MEGF10: variants seen among roughly 807,000 people sequenced by gnomAD.
MEGF10 encodes multiple epidermal growth factor-like domains protein 10.
Under a neutral mutation model 147.5 loss-of-function variants are expected in MEGF10, and 86 were observed. The ratio of observed to expected loss-of-function variants is 0.58; its 90% CI spans 0.49 to 0.70. The LOEUF (loss-of-function observed/expected upper bound fraction) is 0.70. MEGF10 is among the 30% of genes least tolerant of loss of function. The pLI, the probability that MEGF10 is intolerant of heterozygous loss-of-function variation, is 0.00. For synonymous variants in MEGF10, 478 were observed against 525.5 expected (o/e 0.91, Z 1.24); for missense variants, 1,329 against 1,487.3 (o/e 0.89, Z 1.75).
chr5:127,302,090 G>T (rs57623356), intron 1 of MEGF10, among the ~76,000 whole-genome samples: 10,903 of 152,174 alleles, frequency 0.072, 674 homozygotes, highest in African/African-American at 0.16. Context: ...GCTAGTGAAT[G>T]AATTTGTTTT....
intron 5 of MEGF10, among the ~76,000 whole-genome samples, chr5:127,384,892 T>C (rs1434908362): frequency 2.6e-5 from 4 of 152,222 alleles, no homozygotes; most frequent in African/African-American, 9.6e-5. Flanking sequence ...TGAGGATCTT[T>C]TCTTCTACCA....
intron 24 of MEGF10, 95 bp from the exon 25 acceptor site, chr5:127,457,033 G>T: frequency 8.2e-7 from 1 of 1,226,096 alleles, no homozygotes; most frequent in East Asian, 2.5e-5. Context: ...TTTTTTAAAA[G>T]TCCCTTTGGT....
At chr5:127,349,005 GA>G (rs537016990) in intron 4 of MEGF10, among the ~76,000 whole-genome samples, 267 of 152,078 alleles carry the variant, frequency 1.8e-3, no homozygotes, top group Non-Finnish European at 3.2e-3. Context: ...TGACAAGAGC[GA>G]GAATCCATCT....
chr5:127,281,419 C>T, the MEGF10 span, among the ~76,000 whole-genome samples: 1 of 152,188 alleles, frequency 6.6e-6, no homozygotes, highest in African/African-American at 2.4e-5. Flanking sequence ...TCTCAGGAAG[C>T]GTCTGTGGCA....
intron 4 of MEGF10, among the ~76,000 whole-genome samples, chr5:127,347,655 T>G (rs1159937578): frequency 6.6e-6 from 1 of 152,102 alleles, no homozygotes; most frequent in Non-Finnish European, 1.5e-5. Flanking sequence ...ATGGACATCC[T>G]AAGTGGAGTG....
At chr5:127,314,284 G>A (rs75706625) in intron 1 of MEGF10, among the ~76,000 whole-genome samples, 1 of 152,122 alleles carries the variant, frequency 6.6e-6, no homozygotes, top group African/African-American at 2.4e-5. Context: ...CTTAGCAACC[G>A]TATATTGATC....
At chr5:127,286,620 GA>G (rs1238616681), upstream of MEGF10, among the ~76,000 whole-genome samples, 10 of 149,820 alleles carry the variant, frequency 6.7e-5, no homozygotes, top group African/African-American at 2.0e-4. Context: ...GCTTGTATAA[GA>G]AAAAAATCTA....
At chr5:127,333,535 A>G (rs905763154) in intron 2 of MEGF10, among the ~76,000 whole-genome samples, 1 of 152,032 alleles carries the variant, frequency 6.6e-6, no homozygotes, top group African/African-American at 2.4e-5. Context: ...TAAAAATAAA[A>G]AAAGAGAGAG....
chr5:127,446,079 G>A (rs1371789677), intron 20 of MEGF10, among the ~76,000 whole-genome samples: 3 of 152,134 alleles, frequency 2.0e-5, no homozygotes, highest in South Asian at 2.1e-4. Context: ...CTCTGAATGA[G>A]GGTACTTTCT....
At chr5:127,316,286 C>A (rs1318052597) in intron 1 of MEGF10, among the ~76,000 whole-genome samples, 1 of 152,116 alleles carries the variant, frequency 6.6e-6, no homozygotes, top group Non-Finnish European at 1.5e-5. Flanking sequence ...GAATACCATG[C>A]CTGCAAGAAT....
chr5:127,274,390 G>A, the MEGF10 span, among the ~76,000 whole-genome samples: 1,408 of 152,246 alleles, frequency 9.2e-3, 14 homozygotes, highest in African/African-American at 0.03. Flanking sequence ...TTTGCTAGGT[G>A]TGATAAAGGT....
rs145328647 is a variant in MEGF10 at position 127,384,721 on chromosome 5, C to T, written c.413-11811C>T. 3.9e-3 allele frequency among the ~76,000 whole-genome samples: 601 copies of T among 152,316 alleles called. 5 individuals are homozygous for T. The highest frequency in any genetic ancestry group is 0.014 in the African/African-American group (562 of 41,566). ...GCACTGGGTGGTTGTCCACGGTGAT[C>T]GTTGGCACTCTGTCAGCTCTCCAGA... On this transcript the variant is annotated intron_variant, in intron 5 of 24. Transcript: ENST00000503335.
At chr5:127,390,356 C>T (rs1763599133) in intron 5 of MEGF10, among the ~76,000 whole-genome samples, 1 of 151,848 alleles carries the variant, frequency 6.6e-6, no homozygotes, top group African/African-American at 2.4e-5. Context: ...GTAGAGCAAT[C>T]ACGACTCACT....
chr5:127,371,147 GGT>G (rs1762832641), intron 5 of MEGF10, among the ~76,000 whole-genome samples: 2 of 148,884 alleles, frequency 1.3e-5, no homozygotes, highest in Non-Finnish European at 3.0e-5. Flanking sequence ...CAGAACACTT[GGT>G]GTGAAAGAGC....
the MEGF10 span, among the ~76,000 whole-genome samples, chr5:127,235,933 G>T: frequency 6.6e-6 from 1 of 151,926 alleles, no homozygotes; most frequent in Non-Finnish European, 1.5e-5. Context: ...TCCTTTTAAA[G>T]AGGGTGCATA....
the MEGF10 span, among the ~76,000 whole-genome samples, chr5:127,276,025 G>A: frequency 2.2e-3 from 329 of 152,336 alleles, 1 homozygote; most frequent in Middle Eastern, 6.8e-3. Context: ...TGGCTGAGCA[G>A]GGCTGGGTAA....
the MEGF10 span, among the ~76,000 whole-genome samples, chr5:127,264,867 G>A: frequency 6.6e-6 from 1 of 151,204 alleles, no homozygotes; most frequent in Non-Finnish European, 1.5e-5. Context: ...TTGTTACATA[G>A]GTAAACGTGT....
intron 5 of MEGF10, among the ~76,000 whole-genome samples, chr5:127,372,439 G>A (rs1443250251): frequency 6.6e-6 from 1 of 152,164 alleles, no homozygotes; most frequent in Non-Finnish European, 1.5e-5. Context: ...CTGGGAAACT[G>A]ACCATAGTAT....
the MEGF10 span, among the ~76,000 whole-genome samples, chr5:127,282,312 A>G: frequency 1.3e-5 from 2 of 152,086 alleles, no homozygotes; most frequent in Non-Finnish European, 2.9e-5. Flanking sequence ...GTTTTTTCCT[A>G]TAGGGGAAAA....
Sources: gnomAD v4.1 joint callset for allele counts (sites outside exome capture counted in the v4.1 genomes callset) on GRCh38, gnomAD v4.1.1 for gene constraint, MANE v1.5 for transcripts, NCBI Gene and HGNC (gene_info 2026-07-23, HGNC 2026-07-21) for gene names.